MME: variants seen among roughly 807,000 people sequenced by gnomAD.
MME encodes the protein neprilysin.
MME carries 98 observed loss-of-function variants against 113.2 expected under a neutral mutation model. That is an observed-to-expected ratio of 0.87 (90% CI 0.74 to 1.02). The LOEUF (loss-of-function observed/expected upper bound fraction) is 1.02, where lower values mean the gene tolerates loss of function less well. Ranked by LOEUF, MME falls within the 50% of genes least tolerant of loss-of-function variation. The pLI is 0.00. For synonymous variants in MME, 292 were observed against 300.6 expected, an observed-to-expected ratio of 0.97 and a Z score of 0.30; for missense variants, 836 against 896.0, an observed-to-expected ratio of 0.93 and a Z score of 0.86.
rs1576636000 is a variant in MME at position 155,141,432 on chromosome 3, C to T, written c.958-559C>T. On this transcript the variant is annotated intron_variant, in intron 10 of 22. Transcript: ENST00000360490. ...GACAAGATTTCATCTTTTGGCAACTCCGTACTTAGCTTCTGAAGTATAAAC... is the reference window on the plus strand; with the variant it reads ...GACAAGATTTCATCTTTTGGCAACTTCGTACTTAGCTTCTGAAGTATAAAC... 2.0e-5 allele frequency among the ~76,000 whole-genome samples: 3 copies of T among 152,250 alleles called. No individual in the cohort carries two copies. The East Asian group carries it at 5.8e-4, about 29-fold the overall frequency.
intron 3 of MME, among the ~76,000 whole-genome samples, chr3:155,106,089 G>A (rs1223307849): frequency 1.3e-5 from 2 of 152,056 alleles, no homozygotes; most frequent in Non-Finnish European, 2.9e-5. Flanking sequence ...CCCCAAACTA[G>A]AACAGCAAAA....
intron 1 of MME, among the ~76,000 whole-genome samples, chr3:155,061,324 G>A (rs1385736221): frequency 2.0e-5 from 3 of 151,816 alleles, no homozygotes; most frequent in Non-Finnish European, 2.9e-5. Context: ...GGTGGCAGGA[G>A]CCTGTAGTCC....
At chr3:155,078,232 T>A (rs1424665053), upstream of MME, among the ~76,000 whole-genome samples, 4 of 151,882 alleles carry the variant, frequency 2.6e-5, no homozygotes, top group African/African-American at 4.8e-5. Context: ...GAAAAAAAAA[T>A]TCCAGTTGAG....
intron 1 of MME, among the ~76,000 whole-genome samples, chr3:155,035,626 G>A (rs894056620): frequency 1.3e-5 from 2 of 152,194 alleles, no homozygotes; most frequent in Admixed American, 1.3e-4. Flanking sequence ...GGGCTGTGTA[G>A]ATATATGGGG....
intron 1 of MME, among the ~76,000 whole-genome samples, chr3:155,040,669 A>C (rs1017430890): frequency 1.3e-5 from 2 of 152,074 alleles, no homozygotes. Context: ...TATGGGTTGA[A>C]AGTATCCAGG....
At chr3:155,107,968 T>A (rs1717830897) in intron 3 of MME, among the ~76,000 whole-genome samples, 1 of 152,214 alleles carries the variant, frequency 6.6e-6, no homozygotes, top group Non-Finnish European at 1.5e-5. Flanking sequence ...GAGCAATGGA[T>A]AAACATCGTT....
At chr3:155,042,419 A>G (rs575360962) in intron 1 of MME, among the ~76,000 whole-genome samples, 1 of 152,260 alleles carries the variant, frequency 6.6e-6, no homozygotes, top group African/African-American at 2.4e-5. Context: ...CTGAAAGGTA[A>G]GCAATTGAGA....
chr3:155,116,357 A>G (rs1266505262), intron 4 of MME, 122 bp from the exon 5 acceptor site: 3 of 771,090 alleles, frequency 3.9e-6, no homozygotes, highest in Non-Finnish European at 6.8e-6. Flanking sequence ...CCTCCAGAAA[A>G]GCAAGGTTTT....
chr3:155,136,704 T>C (rs1463220612), intron 8 of MME, among the ~76,000 whole-genome samples: 1 of 152,240 alleles, frequency 6.6e-6, no homozygotes, highest in African/African-American at 2.4e-5. Flanking sequence ...GATTAATGGA[T>C]CACTGTAAAT....
chr3:155,143,537 T>A lies in MME; in HGVS notation c.1283T>A (p.Val428Glu). 2 of 1,612,694 alleles carry A rather than the reference T, an allele frequency of 1.2e-6. No homozygotes were observed. Among genetic ancestry groups the A allele is most frequent in the Non-Finnish European group, 1.7e-6 (2 of 1,178,924 alleles). The change falls in exon 13 of 23, where the codon GTG becomes GAG. Residue 428 changes from valine to glutamate, a missense_variant. Coordinates refer to ENST00000360490, the MANE Select transcript of MME (RefSeq NM_007289.4). ...NMENAVGRLY[V>E]EAAFAGESKH... is the part of the protein sequence containing the mutation. ...GAAAATGCTGTGGGGAGGCTTTATG[T>A]GGAAGCAGCATTTGCTGGAGAGAGT...
At chr3:155,087,028 G>A (rs1437945549) in intron 3 of MME, among the ~76,000 whole-genome samples, 2 of 149,130 alleles carry the variant, frequency 1.3e-5, no homozygotes, top group Non-Finnish European at 3.0e-5. Flanking sequence ...GTAGAGACAG[G>A]GTCTCACTAT....
In MME at chr3:155,029,617, ATC is replaced by A. The variant is rs1491403388; in HGVS notation, c.-11+5295_-11+5296del. On this transcript the variant is annotated intron_variant, in intron 1 of 22. Transcript: ENST00000492661. ...ATGAACAGTTTTAGGACCTTAAAAT[ATC>A]TATTAGAAACAGTGTAACCCTGTCT... Among the ~76,000 whole-genome samples the A allele has an allele frequency of 2.2e-3, 338 of 152,166 alleles. 2 individuals carry two copies. The highest frequency in any genetic ancestry group is 7.9e-3 in the African/African-American group (327 of 41,524).
intron 4 of MME, among the ~76,000 whole-genome samples, chr3:155,116,092 A>G (rs541477031): frequency 4.6e-5 from 7 of 152,196 alleles, no homozygotes; most frequent in Non-Finnish European, 1.0e-4. Flanking sequence ...CAAAAAGACT[A>G]TTCATACTAA....
At chr3:155,061,985 T>C (rs1401452756) in intron 1 of MME, among the ~76,000 whole-genome samples, 2 of 152,194 alleles carry the variant, frequency 1.3e-5, no homozygotes, top group Non-Finnish European at 2.9e-5. Context: ...TATGTTCTTT[T>C]ACATTTTCTA....
intron 20 of MME, 48 bp from the exon 21 acceptor site, chr3:155,172,069 A>G (rs371494408): frequency 1.8e-6 from 2 of 1,103,746 alleles, no homozygotes; most frequent in African/African-American, 3.1e-5. Flanking sequence ...GTTTATATAT[A>G]ACCTTAGGAA....
intron 17 of MME, 68 bp from the exon 18 acceptor site, chr3:155,166,832 GTC>G: frequency 6.3e-7 from 1 of 1,596,274 alleles, no homozygotes; most frequent in Non-Finnish European, 8.6e-7. Flanking sequence ...AGGGAGGACT[GTC>G]TCTAAGAAAA....
At chr3:155,089,377 T>C (rs982288260) in intron 3 of MME, among the ~76,000 whole-genome samples, 29 of 152,166 alleles carry the variant, frequency 1.9e-4, no homozygotes, top group African/African-American at 6.8e-4. Context: ...TAAATCAGGG[T>C]TTCTCAACTC....
chr3:155,160,749 G>A (rs1353418078), intron 17 of MME, among the ~76,000 whole-genome samples: 1 of 151,556 alleles, frequency 6.6e-6, no homozygotes, highest in African/African-American at 2.4e-5. Context: ...CTTTTTTAAA[G>A]TCCCTTGAAT....
intron 3 of MME, among the ~76,000 whole-genome samples, chr3:155,096,429 T>C (rs1716746786): frequency 6.6e-6 from 1 of 152,070 alleles, no homozygotes; most frequent in Admixed American, 6.6e-5. Flanking sequence ...TGTATGAAGA[T>C]ATGAGAGTGG....
Sources: allele counts gnomAD v4.1 joint callset (sites outside exome capture counted in the v4.1 genomes callset), GRCh38; gene constraint gnomAD v4.1.1; transcripts MANE v1.5; gene names NCBI Gene and HGNC (gene_info 2026-07-23, HGNC 2026-07-21).